Variants in PPP1R12B observed in about 807,000 individuals in gnomAD.
PPP1R12B encodes the protein myosin phosphatase target subunit 2.
A neutral mutation model predicts 126.1 loss-of-function variants in PPP1R12B; 76 were observed. The ratio of observed to expected loss-of-function variants is 0.60; its 90% CI spans 0.50 to 0.73. The LOEUF is 0.73. PPP1R12B is among the 30% of genes least tolerant of loss of function. The probability of loss-of-function intolerance (pLI) is 0.00; values close to 1 mark genes in which losing one functional copy is unlikely to be tolerated. For synonymous variants in PPP1R12B, 356 were observed against 434.7 expected, an observed-to-expected ratio of 0.82 and a Z score of 2.25; for missense variants, 1,052 against 1,205.1, an observed-to-expected ratio of 0.87 and a Z score of 1.88.
intron 14 of PPP1R12B, among the ~76,000 whole-genome samples, chr1:202,491,380 C>T (rs1204716795): frequency 6.6e-6 from 1 of 152,130 alleles, no homozygotes; most frequent in Non-Finnish European, 1.5e-5. Context: ...AACTCTTGAC[C>T]TCAAGTGATC....
intron 13 of PPP1R12B, chr1:202,463,131 T>C (rs1207031662): frequency 1.3e-5 from 12 of 912,296 alleles, no homozygotes; most frequent in Non-Finnish European, 1.6e-5. Context: ...TTTAATGTCC[T>C]AGATGCATGT....
intron 18 of PPP1R12B, among the ~76,000 whole-genome samples, chr1:202,520,365 TGGTACTTATTACA>T (rs975806898): frequency 1.3e-5 from 2 of 152,182 alleles, no homozygotes; most frequent in African/African-American, 4.8e-5. Flanking sequence ...GAGTGCAGGT[TGGTACTTATTACA>T]GGACTCTGCT....
intron 18 of PPP1R12B, among the ~76,000 whole-genome samples, chr1:202,501,008 A>G (rs1680167192): frequency 1.3e-5 from 2 of 152,262 alleles, no homozygotes; most frequent in South Asian, 2.1e-4. Flanking sequence ...TGGTAAATCC[A>G]TGAACCAGTG....
chr1:202,349,408 T>G (rs1655512368), intron 1 of PPP1R12B, among the ~76,000 whole-genome samples: 1 of 152,224 alleles, frequency 6.6e-6, no homozygotes, highest in African/African-American at 2.4e-5. Context: ...TGGTTACTGG[T>G]GATTTTTGTC....
intron 13 of PPP1R12B, among the ~76,000 whole-genome samples, chr1:202,462,547 G>A (rs886549853): frequency 3.9e-5 from 6 of 152,136 alleles, no homozygotes; most frequent in African/African-American, 1.4e-4. Context: ...CCACTTCAGA[G>A]TGAAGACAGT....
Position 202,584,005 on chromosome 1 carries a change from C to G in PPP1R12B, c.*3445C>G, listed in dbSNP as rs1378829466. ...GGGGCTAAAGTTTGTTTTTCCAGGG[C>G]TGCTGATCCTTTTCCAGATAGCTCC... On this transcript the variant is annotated 3_prime_UTR_variant, in exon 24 of 24. Coordinates refer to ENST00000608999, the MANE Select transcript of PPP1R12B (RefSeq NM_002481.4). 1 of 152,216 alleles carries G rather than the reference C, an allele frequency of 6.6e-6. No individual in the cohort carries two copies. Among genetic ancestry groups the G allele is most frequent in the East Asian group, 1.9e-4 (1 of 5,200 alleles). 9.4% of individuals were successfully genotyped at this position (152,216 alleles called of 1,614,324 possible). A position where few individuals can be genotyped will look rare whatever the true frequency, so the allele number is the denominator to read the frequency against.
intron 18 of PPP1R12B, 141 bp from the exon 19 acceptor site, chr1:202,558,736 C>T (rs201736796): frequency 3.0e-5 from 17 of 570,132 alleles, no homozygotes; most frequent in Non-Finnish European, 5.2e-5. Flanking sequence ...TTAAATGGCA[C>T]CCCCATCTCC....
rs1049923854 is a variant in PPP1R12B at position 202,437,908 on chromosome 1, C to G, written c.1342C>G (p.His448Asp). The G allele has an allele frequency of 6.2e-7, 1 of 1,613,960 alleles. No homozygotes were observed. The highest frequency in any genetic ancestry group is 8.5e-7 in the Non-Finnish European group (1 of 1,179,882). The change falls in exon 10 of 24, where the codon CAC (histidine) becomes GAC (aspartate). Residue 448 changes from histidine to aspartate, a missense_variant. By Grantham distance (81) the His-to-Asp change is moderately conservative (BLOSUM62 -1). Transcript: ENST00000608999. ...WRLGLRKTGS[H>D]NMLSEVANSR... is the part of the protein sequence containing the mutation. ...ATTGGGACTGAGAAAAACTGGCAGCCACAACATGCTGAGTGAGGTGGCCAA... is the reference window on the plus strand; with the variant it reads ...ATTGGGACTGAGAAAAACTGGCAGCGACAACATGCTGAGTGAGGTGGCCAA...
At chr1:202,414,691 T>C (rs1320569236) in intron 1 of PPP1R12B, among the ~76,000 whole-genome samples, 2 of 152,266 alleles carry the variant, frequency 1.3e-5, no homozygotes, top group Non-Finnish European at 2.9e-5. Context: ...ATTTGTTGGT[T>C]ATTCTTTTGA....
At chr1:202,411,199 A>G (rs1353549299) in intron 1 of PPP1R12B, among the ~76,000 whole-genome samples, 1 of 150,776 alleles carries the variant, frequency 6.6e-6, no homozygotes, top group Non-Finnish European at 1.5e-5. Flanking sequence ...GAAGATTTTC[A>G]GGGACTATAT....
chr1:202,489,116 T>G (rs1678536554), intron 14 of PPP1R12B, among the ~76,000 whole-genome samples: 1 of 152,204 alleles, frequency 6.6e-6, no homozygotes, highest in South Asian at 2.1e-4. Context: ...TTTCATTGTG[T>G]TGAATCTTAT....
intron 1 of PPP1R12B, among the ~76,000 whole-genome samples, chr1:202,381,406 G>GTATGTGTA (rs796804138): frequency 1.5e-5 from 2 of 136,376 alleles, no homozygotes; most frequent in African/African-American, 5.5e-5. Flanking sequence ...GGGTGTGTGT[G>GTATGTGTA]TGTGTGTGTG....
At chr1:202,426,652 A>G (rs1558210211) in intron 4 of PPP1R12B, among the ~76,000 whole-genome samples, 1 of 152,204 alleles carries the variant, frequency 6.6e-6, no homozygotes, top group Non-Finnish European at 1.5e-5. Flanking sequence ...ACCACAGCCT[A>G]TTAGAGTCTT....
At chr1:202,528,671 C>T (rs1371822985) in intron 18 of PPP1R12B, among the ~76,000 whole-genome samples, 2 of 152,150 alleles carry the variant, frequency 1.3e-5, no homozygotes, top group Non-Finnish European at 2.9e-5. Context: ...TCCCCCATCC[C>T]CATAGCTGGC....
intron 13 of PPP1R12B, among the ~76,000 whole-genome samples, chr1:202,453,104 A>G (rs1378364362): frequency 6.6e-6 from 1 of 152,158 alleles, no homozygotes; most frequent in African/African-American, 2.4e-5. Context: ...CAGTATGATA[A>G]TAGCTGTGGG....
At chr1:202,388,931 A>G (rs1207684064) in intron 1 of PPP1R12B, among the ~76,000 whole-genome samples, 1 of 152,230 alleles carries the variant, frequency 6.6e-6, no homozygotes, top group Non-Finnish European at 1.5e-5. Context: ...TGATAGAGGA[A>G]TAGATAAACA....
At chr1:202,561,822 C>A (rs1687562085) in intron 19 of PPP1R12B, among the ~76,000 whole-genome samples, 1 of 152,178 alleles carries the variant, frequency 6.6e-6, no homozygotes, top group South Asian at 2.1e-4. Context: ...CTGTGTCATC[C>A]TTATTGCTTC....
At chr1:202,380,641 T>A (rs1327257455) in intron 1 of PPP1R12B, among the ~76,000 whole-genome samples, 1 of 152,194 alleles carries the variant, frequency 6.6e-6, no homozygotes, top group Non-Finnish European at 1.5e-5. Flanking sequence ...TGTCAATAGA[T>A]ACCTTCTCTC....
chr1:202,365,308 T>A (rs1449519104), intron 1 of PPP1R12B, among the ~76,000 whole-genome samples: 1 of 151,808 alleles, frequency 6.6e-6, no homozygotes, highest in South Asian at 2.1e-4. Flanking sequence ...AAAAGCCAAT[T>A]GTGGTCGCCT....
Sources: gnomAD v4.1 joint callset for allele counts (sites outside exome capture counted in the v4.1 genomes callset) on GRCh38, gnomAD v4.1.1 for gene constraint, MANE v1.5 for transcripts, NCBI Gene and HGNC (gene_info 2026-07-23, HGNC 2026-07-21) for gene names.